HEMK2: variants seen among roughly 807,000 people sequenced by gnomAD.
The protein encoded by HEMK2 is methyltransferase HEMK2.
the HEMK2 span, among the ~76,000 whole-genome samples, chr21:28,597,922 G>GA: frequency 6.6e-6 from 1 of 152,138 alleles, no homozygotes; most frequent in Non-Finnish European, 1.5e-5. Context: ...GAAGAAACTT[G>GA]AACAGAAATC....
At chr21:28,830,791 C>T in the HEMK2 span, among the ~76,000 whole-genome samples, 11 of 150,442 alleles carry the variant, frequency 7.3e-5, no homozygotes, top group East Asian at 9.9e-4. Context: ...GCAGGAGAAT[C>T]GCTTGAACCC....
the HEMK2 span, among the ~76,000 whole-genome samples, chr21:28,714,373 G>A: frequency 1.3e-5 from 2 of 152,104 alleles, no homozygotes; most frequent in African/African-American, 4.8e-5. Context: ...GCCCATTGAG[G>A]CCTATTAATT....
the HEMK2 span, among the ~76,000 whole-genome samples, chr21:28,734,273 G>A: frequency 2.6e-5 from 4 of 152,282 alleles, no homozygotes; most frequent in African/African-American, 7.2e-5. Context: ...GAGACACACT[G>A]CATATATTTA....
the HEMK2 span, chr21:28,872,530 C>T: frequency 2.0e-5 from 3 of 152,208 alleles, no homozygotes. Flanking sequence ...AGGCTTGTGC[C>T]TGTCACCTTT....
chr21:28,777,364 T>C, the HEMK2 span, among the ~76,000 whole-genome samples: 1 of 152,228 alleles, frequency 6.6e-6, no homozygotes, highest in Non-Finnish European at 1.5e-5. Flanking sequence ...TTTCTTCCTG[T>C]ATCTCAATTG....
the HEMK2 span, among the ~76,000 whole-genome samples, chr21:28,849,785 G>T: frequency 6.6e-6 from 1 of 152,144 alleles, no homozygotes; most frequent in South Asian, 2.1e-4. Context: ...AGATATTGAA[G>T]ACCAGTTCTC....
At chr21:28,729,152 A>G in the HEMK2 span, among the ~76,000 whole-genome samples, 74,772 of 152,072 alleles carry the variant, frequency 0.49, 20,897 homozygotes, top group East Asian at 0.78. Context: ...CTCTGTCTCT[A>G]CTTCTCCCCA....
the HEMK2 span, among the ~76,000 whole-genome samples, chr21:28,637,964 T>C: frequency 6.6e-6 from 1 of 152,192 alleles, no homozygotes; most frequent in African/African-American, 2.4e-5. Flanking sequence ...ATGAAAATCA[T>C]GGGTGGTTAT....
At chr21:28,677,343 C>A in the HEMK2 span, among the ~76,000 whole-genome samples, 1 of 152,206 alleles carries the variant, frequency 6.6e-6, no homozygotes, top group African/African-American at 2.4e-5. Flanking sequence ...GGCAGCGAGG[C>A]TGGGGGACGG....
chr21:28,688,320 T>C, the HEMK2 span, among the ~76,000 whole-genome samples: 2 of 152,190 alleles, frequency 1.3e-5, no homozygotes, highest in South Asian at 4.1e-4. Flanking sequence ...ATAGTGAACA[T>C]ACAACATAAA....
At chr21:28,748,641 T>G in the HEMK2 span, among the ~76,000 whole-genome samples, 1 of 152,170 alleles carries the variant, frequency 6.6e-6, no homozygotes, top group Non-Finnish European at 1.5e-5. Context: ...AAAGCATACA[T>G]GAACAGGAAA....
At chr21:28,870,224 C>A in the HEMK2 span, among the ~76,000 whole-genome samples, 1 of 152,168 alleles carries the variant, frequency 6.6e-6, no homozygotes, top group Admixed American at 6.5e-5. Context: ...ATGGACTTTA[C>A]ACAAACCTCC....
At chr21:28,707,830 A>G in the HEMK2 span, among the ~76,000 whole-genome samples, 1 of 152,202 alleles carries the variant, frequency 6.6e-6, no homozygotes, top group Non-Finnish European at 1.5e-5. Flanking sequence ...GGGTATATGT[A>G]TATCAAATCA....
the HEMK2 span, among the ~76,000 whole-genome samples, chr21:28,853,922 T>C: frequency 0.43 from 65,137 of 152,080 alleles, 15,780 homozygotes; most frequent in East Asian, 0.8. Context: ...AGACACCTGG[T>C]GAGGTTGTAC....
the HEMK2 span, among the ~76,000 whole-genome samples, chr21:28,690,729 T>C: frequency 1.3e-5 from 2 of 152,184 alleles, no homozygotes; most frequent in African/African-American, 2.4e-5. Context: ...TTGCATTGTA[T>C]AGTCTTATCA....
the HEMK2 span, among the ~76,000 whole-genome samples, chr21:28,824,108 A>G: frequency 1.3e-5 from 2 of 152,210 alleles, no homozygotes; most frequent in African/African-American, 4.8e-5. Flanking sequence ...TGAATCACCT[A>G]GTGAATTTAA....
At chr21:28,877,297 G>GAAGGAAGA in the HEMK2 span, among the ~76,000 whole-genome samples, 9 of 126,580 alleles carry the variant, frequency 7.1e-5, no homozygotes, top group African/African-American at 2.8e-4. Flanking sequence ...AGGAAGGAAG[G>GAAGGAAGA]AAGAGAGAGA....
the HEMK2 span, among the ~76,000 whole-genome samples, chr21:28,777,783 A>G: frequency 1.3e-5 from 2 of 152,324 alleles, no homozygotes; most frequent in Middle Eastern, 3.4e-3. Flanking sequence ...GATTTCAGAG[A>G]TATCTTCAAA....
the HEMK2 span, among the ~76,000 whole-genome samples, chr21:28,736,282 G>A: frequency 2.0e-5 from 3 of 152,206 alleles, no homozygotes; most frequent in South Asian, 4.1e-4. Context: ...CACTGTCCGT[G>A]AAGTAGGATA....
Sources: allele counts gnomAD v4.1 joint callset (sites outside exome capture counted in the v4.1 genomes callset), GRCh38; gene constraint gnomAD v4.1.1; transcripts MANE v1.5; gene names NCBI Gene and HGNC (gene_info 2026-07-23, HGNC 2026-07-21).